Variants in LIMCH1 observed in about 807,000 individuals in gnomAD.
The protein encoded by LIMCH1 is LIM and calponin homology domains 1, also known as LIM and calponin homology domains-containing protein 1.
Under a neutral mutation model 176.5 loss-of-function variants are expected in LIMCH1, and 113 were observed. The observed-to-expected ratio is 0.64, with a 90% CI of 0.55 to 0.75. LIMCH1 has a LOEUF of 0.75. Among genes scored for constraint, LIMCH1 ranks in the 30% least tolerant of loss-of-function variants. The probability of loss-of-function intolerance (pLI) is 0.00; values close to 1 mark genes in which losing one functional copy is unlikely to be tolerated. For missense variants in LIMCH1, 1,674 were observed against 1,814.9 expected, an observed-to-expected ratio of 0.92 and a Z score of 1.41; for synonymous variants, 619 against 645.9, an observed-to-expected ratio of 0.96 and a Z score of 0.63.
intron 1 of LIMCH1, among the ~76,000 whole-genome samples, chr4:41,440,897 A>G (rs975899539): frequency 6.6e-6 from 1 of 152,182 alleles, no homozygotes; most frequent in Admixed American, 6.5e-5. Flanking sequence ...ACAGAAATTA[A>G]TGATGTTCTC....
At chr4:41,581,446 C>A (rs990576161) in intron 1 of LIMCH1, among the ~76,000 whole-genome samples, 4 of 152,154 alleles carry the variant, frequency 2.6e-5, no homozygotes, top group Admixed American at 2.0e-4. Context: ...CAACATTTCC[C>A]TATTTCCCAC....
intron 18 of LIMCH1, among the ~76,000 whole-genome samples, chr4:41,652,208 AT>A (rs2094325524): frequency 6.6e-6 from 1 of 151,906 alleles, no homozygotes; most frequent in South Asian, 2.1e-4. Context: ...GGATATCATT[AT>A]TTTTTTCCTT....
At chr4:41,599,215 C>A in intron 2 of LIMCH1, 189 bp downstream of exon 2, 1 of 427,968 alleles carries the variant, frequency 2.3e-6, no homozygotes, top group Non-Finnish European at 4.3e-6. Context: ...TCATTCTGAT[C>A]AAACATCATT....
chr4:41,651,633 C>A (rs551103888), intron 18 of LIMCH1, among the ~76,000 whole-genome samples: 18 of 152,134 alleles, frequency 1.2e-4, no homozygotes, highest in Non-Finnish European at 1.2e-4. Context: ...CTTGTTAATG[C>A]CATTTGAAAA....
At position 41,646,797 on chromosome 4, in the gene LIMCH1, T is replaced by G; in HGVS notation, c.2724T>G (p.Ser908=). Residue 908 remains serine (S), a synonymous_variant, in exon 17 of 32, where the codon TCT becomes TCG. Transcript: ENST00000503057. Reference sequence around the variant, plus strand: ...CCAGCATGTCAGCAGGCAGTGGGTCTCCAAGCAAAACTGTCACTCCCAAAG... The same window carrying G: ...CCAGCATGTCAGCAGGCAGTGGGTCGCCAAGCAAAACTGTCACTCCCAAAG... The part of the protein sequence containing the change: ...LDTSMSAGSG[S]PSKTVTPKAV... 1 of 1,614,144 alleles carries G rather than the reference T, an allele frequency of 6.2e-7. No individual in the cohort carries two copies. Among genetic ancestry groups the G allele is most frequent in the Non-Finnish European group, 8.5e-7 (1 of 1,180,020 alleles).
intron 5 of LIMCH1, 148 bp from the exon 6 acceptor site, chr4:41,619,040 A>G: frequency 9.8e-7 from 1 of 1,021,650 alleles, no homozygotes; most frequent in Non-Finnish European, 1.4e-6. Context: ...CATGTGTAAC[A>G]AATCTACACT....
At position 41,565,398 on chromosome 4, in the gene LIMCH1, G is replaced by GACAC. The variant is rs147927797; in HGVS notation, c.-241+27062_-241+27065dup. Among the ~76,000 whole-genome samples, 30 of 131,262 alleles carry GACAC rather than the reference G, an allele frequency of 2.3e-4. 1 individual carries two copies. The highest frequency in any genetic ancestry group is 7.4e-4 in the African/African-American group (27 of 36,316). 86.1% of individuals were successfully genotyped at this position (131,262 alleles called of 152,430 possible). A position where few individuals can be genotyped will look rare whatever the true frequency, so the allele number is the denominator to read the frequency against. ...ACACACACACATACACACACACACA[G>GACAC]ACACACACACACACACATATATATG... On this transcript the variant is annotated intron_variant, in intron 1 of 31. Coordinates refer to ENST00000503057, the MANE Select transcript of LIMCH1 (RefSeq NM_001330672.2).
In LIMCH1 at chr4:41,620,533, T is replaced by C. The variant is rs1366952729; in HGVS notation, c.568T>C (p.Leu190=). 1 of 1,536,236 alleles carries C rather than the reference T, an allele frequency of 6.5e-7. No homozygotes were observed. ...GAAGCCTTCCGATGGTGGGTGTGAA[T>C]TACCTGACGGCAGTGGTAAGGAGCA... ...GWKPSDGGCE[L]PDGSGKEHPS... Residue 190 remains leucine (L), a synonymous_variant, in exon 7 of 32, where the codon TTA becomes CTA. Transcript: ENST00000503057.
At chr4:41,423,569 G>T (rs1211953800) in intron 1 of LIMCH1, among the ~76,000 whole-genome samples, 2 of 152,226 alleles carry the variant, frequency 1.3e-5, no homozygotes, top group East Asian at 3.9e-4. Context: ...AAAGAAATGG[G>T]TCAGTTGTGG....
chr4:41,360,464 A>G (rs1486278431), upstream of LIMCH1, among the ~76,000 whole-genome samples: 3 of 151,966 alleles, frequency 2.0e-5, no homozygotes, highest in Non-Finnish European at 4.4e-5. The surrounding 1 kb of genome is among the most constrained non-coding windows in gnomAD (Gnocchi z 4.5). Flanking sequence ...CGGCCAGCGG[A>G]TTCCCTCTAT....
chr4:41,411,335 A>G (rs1447958073), intron 1 of LIMCH1, among the ~76,000 whole-genome samples: 1 of 152,116 alleles, frequency 6.6e-6, no homozygotes, highest in Admixed American at 6.6e-5. Context: ...AAAATTTCTC[A>G]GCCGAAAATT....
chr4:41,642,737 C>CTT (rs368906535), intron 14 of LIMCH1, among the ~76,000 whole-genome samples: 20,059 of 136,230 alleles, frequency 0.15, 1,709 homozygotes, highest in Admixed American at 0.25. Flanking sequence ...TTTCTTTTTT[C>CTT]TTTTTTTTTT....
At chr4:41,691,961 G>A (rs1425435017) in intron 30 of LIMCH1, among the ~76,000 whole-genome samples, 3 of 152,152 alleles carry the variant, frequency 2.0e-5, no homozygotes, top group Admixed American at 6.6e-5. Flanking sequence ...TTGAGAAACG[G>A]TGTATGATAG....
In LIMCH1 at chr4:41,619,706, A is replaced by C. The variant is rs1319534191; in HGVS notation, c.458+266A>C. 3 of 504,296 alleles carry C rather than the reference A, an allele frequency of 5.9e-6. No homozygotes were observed. The East Asian group carries it at 1.0e-4, about 17-fold the overall frequency. 31.2% of individuals were successfully genotyped at this position (504,296 alleles called of 1,614,324 possible). ...CAGATTTCTGAAACCAATTCTGTTG[A>C]TAGGACATTGAGAGCAAATCTGTCA... On this transcript the variant is annotated intron_variant, in intron 6 of 31. Coordinates refer to ENST00000503057, the MANE Select transcript of LIMCH1 (RefSeq NM_001330672.2).
At chr4:41,518,412 A>G (rs757791409) in intron 2 of LIMCH1, among the ~76,000 whole-genome samples, 1 of 152,150 alleles carries the variant, frequency 6.6e-6, no homozygotes, top group Non-Finnish European at 1.5e-5. Context: ...TAAGTTGCAG[A>G]TAGAAAAAAA....
rs2092490701 is a variant in LIMCH1 at position 41,620,588 on chromosome 4, C to T, written c.623C>T (p.Pro208Leu). 1.3e-6 allele frequency: 2 copies of T among 1,536,082 alleles called. No homozygotes were observed. The highest frequency in any genetic ancestry group is 3.9e-5 in the Admixed American group (2 of 50,978). The change falls in exon 7 of 32, where the codon CCA becomes CTA. Residue 208 changes from proline to leucine, a missense_variant. Around this residue, in one of 3 missense-constraint regions of LIMCH1, gnomAD observed 655 missense variants for 692.2 expected, o/e 0.95. Coordinates refer to ENST00000503057, the MANE Select transcript of LIMCH1 (RefSeq NM_001330672.2). ...TCTTCAGACGGGGCTGTGGTGGCAC[C>T]AGCTCCCAAGTCTGAAGAAAAAGAT... Reference protein sequence around the residue: ...HPSSDGAVVAPAPKSEEKDAA... With the variant: ...HPSSDGAVVALAPKSEEKDAA...
At chr4:41,369,697 T>C (rs537985129) in intron 1 of LIMCH1, among the ~76,000 whole-genome samples, 1 of 149,834 alleles carries the variant, frequency 6.7e-6, no homozygotes, top group African/African-American at 2.5e-5. Flanking sequence ...GTGTGTGTGG[T>C]GGGGGGATTT....
intron 1 of LIMCH1, among the ~76,000 whole-genome samples, chr4:41,452,297 C>A (rs935392585): frequency 2.6e-5 from 4 of 152,140 alleles, no homozygotes; most frequent in Non-Finnish European, 5.9e-5. Context: ...GGCCTTATTT[C>A]CTTTCATAAG....
intron 15 of LIMCH1, among the ~76,000 whole-genome samples, chr4:41,645,303 C>T (rs1306994025): frequency 1.3e-5 from 2 of 152,196 alleles, no homozygotes; most frequent in Non-Finnish European, 2.9e-5. Context: ...TTGACTCCAC[C>T]TTTAGTTTAA....
Sources: allele counts gnomAD v4.1 joint callset (sites outside exome capture counted in the v4.1 genomes callset), GRCh38; gene constraint gnomAD v4.1.1; regional missense constraint gnomAD v4.1.1; non-coding constraint Gnocchi (gnomAD v3.1); transcripts MANE v1.5; gene names NCBI Gene and HGNC (gene_info 2026-07-23, HGNC 2026-07-21).